The following AGAP1 variants were observed in gnomAD, a reference collection of about 807,000 sequenced individuals.
The protein encoded by AGAP1 is ArfGAP with GTPase domain, ankyrin repeat and PH domain 1, also known as arf-GAP with GTPase, ANK repeat and PH domain-containing protein 1.
In AGAP1, 29 loss-of-function variants were observed where a neutral mutation model predicts 105.3. That is an observed-to-expected ratio of 0.28 (90% CI 0.21 to 0.38). AGAP1 has a LOEUF of 0.38. AGAP1 is among the 10% of genes least tolerant of loss of function. AGAP1 has a pLI of 1.00. For synonymous variants in AGAP1, 509 were observed against 485.9 expected (o/e 1.05, Z -0.63); for missense variants, 998 against 1,165.1 (o/e 0.86, Z 2.09).
intron 4 of AGAP1, among the ~76,000 whole-genome samples, chr2:235,743,542 C>T (rs915254124): frequency 2.6e-5 from 4 of 152,104 alleles, no homozygotes; most frequent in South Asian, 2.1e-4. Flanking sequence ...AGGTCTCTCC[C>T]GGCCTTCTTT....
intron 1 of AGAP1, among the ~76,000 whole-genome samples, chr2:235,604,674 CCA>C (rs1157625271): frequency 0.023 from 3,292 of 144,564 alleles, 123 homozygotes; most frequent in African/African-American, 0.081. Context: ...GCTCCACCTC[CCA>C]GGTTCACGCC....
intron 10 of AGAP1, among the ~76,000 whole-genome samples, chr2:235,892,120 C>T (rs1029621265): frequency 7.9e-5 from 12 of 151,722 alleles, no homozygotes; most frequent in Non-Finnish European, 1.2e-4. Context: ...TGCCACTGCA[C>T]TCCAGCCTCG....
chr2:235,597,758 T>TG lies in AGAP1; in HGVS notation c.163+102909_163+102910insG, dbSNP rs1491182080. On this transcript the variant is annotated intron_variant, in intron 1 of 17. Transcript: ENST00000304032. ...AGCGTGCACGCGCTCCCGTGTTTCC[T>TG]TTGTGTGGAGCGTGCACGCGCTCCC... Among the ~76,000 whole-genome samples, 381 of 136,208 alleles carry TG rather than the reference T, an allele frequency of 2.8e-3. 16 individuals carry two copies. The highest frequency in any genetic ancestry group is 8.3e-3 in the African/African-American group (310 of 37,300). 89.4% of individuals were successfully genotyped at this position (136,208 alleles called of 152,430 possible).
chr2:235,820,376 A>C (rs1415742875), intron 9 of AGAP1, among the ~76,000 whole-genome samples: 1 of 152,204 alleles, frequency 6.6e-6, no homozygotes, highest in East Asian at 1.9e-4. Context: ...CATTTTTTTA[A>C]TCTGCAAAGA....
chr2:235,851,684 C>T (rs2048465903), intron 9 of AGAP1, among the ~76,000 whole-genome samples: 1 of 152,094 alleles, frequency 6.6e-6, no homozygotes, highest in Non-Finnish European at 1.5e-5. Context: ...AGTGCAAGTG[C>T]AAGGAGCCCA....
chr2:235,902,927 T>C (rs895780942), intron 10 of AGAP1, among the ~76,000 whole-genome samples: 13 of 152,182 alleles, frequency 8.5e-5, no homozygotes, highest in Non-Finnish European at 1.8e-4. Context: ...GTGAGACTTT[T>C]TTGTTTGTAC....
At position 235,577,803 on chromosome 2, in the gene AGAP1, A is replaced by G. The variant is rs1283900229; in HGVS notation, c.163+82954A>G. Among the ~76,000 whole-genome samples, 4 of 151,998 alleles carry G rather than the reference A, an allele frequency of 2.6e-5. No individual in the cohort carries two copies. In the East Asian group the frequency reaches 7.7e-4, roughly 29 times the overall value. On this transcript the variant is annotated intron_variant, in intron 1 of 17. Transcript: ENST00000304032. This position sits in a 1 kb window ranked among gnomAD's most constrained non-coding sequence, Gnocchi z 4.5. ...AGAGAGTAGGTTTGCTATTCCTGAAATGTAATCCCTCCTTCAGCGCTGCAC... is the reference window on the plus strand; with the variant it reads ...AGAGAGTAGGTTTGCTATTCCTGAAGTGTAATCCCTCCTTCAGCGCTGCAC...
intron 16 of AGAP1, among the ~76,000 whole-genome samples, chr2:236,063,883 A>G (rs544769379): frequency 2.6e-5 from 4 of 152,362 alleles, no homozygotes; most frequent in Admixed American, 6.5e-5. Context: ...GAAGATGAAC[A>G]TTATCTGGAG....
intron 10 of AGAP1, among the ~76,000 whole-genome samples, chr2:235,886,166 T>C (rs1252999721): frequency 6.6e-6 from 1 of 152,218 alleles, no homozygotes; most frequent in Non-Finnish European, 1.5e-5. Context: ...GCCCTGTTAC[T>C]GGCTTAGCTC....
At chr2:236,074,246 G>A (rs1328835750) in intron 16 of AGAP1, among the ~76,000 whole-genome samples, 1 of 151,974 alleles carries the variant, frequency 6.6e-6, no homozygotes, top group Non-Finnish European at 1.5e-5. Flanking sequence ...AGTACCCTCT[G>A]CAAGGGAGAG....
Position 236,038,162 on chromosome 2 carries a change from G to A in AGAP1, c.1800+1447G>A, listed in dbSNP as rs924579558. 1.3e-5 allele frequency among the ~76,000 whole-genome samples: 2 copies of A among 152,124 alleles called. No individual in the cohort carries two copies. The highest frequency in any genetic ancestry group is 6.6e-5 in the Admixed American group (1 of 15,264). On this transcript the variant is annotated intron_variant, in intron 14 of 17. Transcript: ENST00000304032. The surrounding 1 kb of genome is among the most constrained non-coding windows in gnomAD (Gnocchi z 4.5). ...ATACACCCTGGCTTTACTGGGTCAC[G>A]TCCACATGCATCCATGATGTGCCTC...
rs867026776 is a variant in AGAP1, at chr2:235,820,752, T to C, written c.1050+13421T>C. Among the ~76,000 whole-genome samples the C allele has an allele frequency of 3.3e-5, 5 of 152,342 alleles. No homozygotes were observed. The South Asian group carries it at 8.3e-4, about 25-fold the overall frequency. ...GACGAGTAATGTGCCAAGTAATGAT[T>C]AGGCAATGAGGAACCACGAGAAGCA... On this transcript the variant is annotated intron_variant, in intron 9 of 17. Coordinates refer to ENST00000304032, the MANE Select transcript of AGAP1 (RefSeq NM_001037131.3).
rs1320240094 is a variant in AGAP1 at position 235,589,189 on chromosome 2, GTTTTGTTTTTTTTTTT to G, written c.163+94345_163+94360del. 8.5e-3 allele frequency among the ~76,000 whole-genome samples: 465 copies of G among 54,938 alleles called. 16 individuals carry two copies. In the East Asian group the frequency reaches 0.11, roughly 14 times the overall value. 36.0% of individuals were successfully genotyped at this position (54,938 alleles called of 152,430 possible). On this transcript the variant is annotated intron_variant, in intron 1 of 17. Transcript: ENST00000304032. ...GAGAACTACCAGTTAATAGCTTATT[GTTTTGTTTTTTTTTTT>G]TTTTTTTTTTTTTTTTTGAGACGGA... is the stretch of plus-strand genomic sequence containing the variant.
In AGAP1 at chr2:235,692,573, T is replaced by C. The variant is rs1437848310; in HGVS notation, c.164-16606T>C. Among the ~76,000 whole-genome samples, 2 of 148,670 alleles carry C rather than the reference T, an allele frequency of 1.3e-5. No individual in the cohort carries two copies. The highest frequency in any genetic ancestry group is 3.0e-5 in the Non-Finnish European group (2 of 67,140). On this transcript the variant is annotated intron_variant, in intron 1 of 17. Transcript: ENST00000304032. This position sits in a 1 kb window ranked among gnomAD's most constrained non-coding sequence, Gnocchi z 5.8. ...GCCCCTATGCTCTCCCCCCTTGCCC[T>C]CCCCCCTTGCCTTCCTGGGCCATCC...
chr2:236,023,350 C>T (rs1487423431), intron 13 of AGAP1, among the ~76,000 whole-genome samples: 3 of 152,160 alleles, frequency 2.0e-5, no homozygotes, highest in East Asian at 1.9e-4. Flanking sequence ...AAGTGGGCTG[C>T]TCATGGGCAC....
At chr2:235,972,758 C>T (rs1305967581) in intron 13 of AGAP1, among the ~76,000 whole-genome samples, 1 of 152,150 alleles carries the variant, frequency 6.6e-6, no homozygotes, top group Non-Finnish European at 1.5e-5. Flanking sequence ...GTAGAGTGTT[C>T]GTGCCTTTCA....
chr2:236,063,066 G>A (rs752243038), intron 16 of AGAP1, among the ~76,000 whole-genome samples: 31 of 152,128 alleles, frequency 2.0e-4, no homozygotes, highest in African/African-American at 6.5e-4. Flanking sequence ...GGGATTACAG[G>A]GGTGAGGCAC....
chr2:235,971,295 A>G lies in AGAP1; in HGVS notation c.1645+2672A>G, dbSNP rs2054630971. Among the ~76,000 whole-genome samples the G allele has an allele frequency of 2.0e-5, 3 of 152,254 alleles. No homozygotes were observed. The highest frequency in any genetic ancestry group is 6.5e-5 in the Admixed American group (1 of 15,288). On this transcript the variant is annotated intron_variant, in intron 13 of 17. Coordinates refer to ENST00000304032, the MANE Select transcript of AGAP1 (RefSeq NM_001037131.3). The surrounding 1 kb of genome is among the most constrained non-coding windows in gnomAD (Gnocchi z 4.8). ...AGCCACATTTTCCCCCCAAATTGTAACATATCTGAAGTCAGAACATATCAT... is the reference window on the plus strand; with the variant it reads ...AGCCACATTTTCCCCCCAAATTGTAGCATATCTGAAGTCAGAACATATCAT...
intron 6 of AGAP1, among the ~76,000 whole-genome samples, chr2:235,771,066 G>T (rs1881190): frequency 1.3e-5 from 2 of 152,146 alleles, no homozygotes; most frequent in Non-Finnish European, 2.9e-5. Flanking sequence ...CCAGGAGTGC[G>T]GCCGCCGCAG....
Sources: gnomAD v4.1 joint callset for allele counts (sites outside exome capture counted in the v4.1 genomes callset) on GRCh38, gnomAD v4.1.1 for gene constraint, Gnocchi (gnomAD v3.1) non-coding constraint, MANE v1.5 for transcripts, NCBI Gene and HGNC (gene_info 2026-07-23, HGNC 2026-07-21) for gene names.